Variants in CDH4 observed in about 807,000 individuals in gnomAD.
CDH4 encodes cadherin-4.
In CDH4, 33 loss-of-function variants were observed where a neutral mutation model predicts 86.0. The observed-to-expected ratio is 0.38, with a 90% CI of 0.29 to 0.51. The LOEUF is 0.51. Among genes scored for constraint, CDH4 ranks in the 20% least tolerant of loss-of-function variants. CDH4 has a pLI of 0.86. For synonymous variants in CDH4, 555 were observed against 549.4 expected (o/e 1.01, Z -0.14); for missense variants, 1,114 against 1,307.4 (o/e 0.85, Z 2.28).
At chr20:61,566,262 G>A (rs73322268) in intron 2 of CDH4, among the ~76,000 whole-genome samples, 4,504 of 152,292 alleles carry the variant, frequency 0.03, 227 homozygotes, top group African/African-American at 0.1. Flanking sequence ...GCCTTTTTAA[G>A]GAAAGCAGAT....
intron 2 of CDH4, among the ~76,000 whole-genome samples, chr20:61,419,290 A>G (rs907248752): frequency 6.6e-6 from 1 of 152,160 alleles, no homozygotes; most frequent in African/African-American, 2.4e-5. Flanking sequence ...TCTGCTCATC[A>G]GTTTCTATCG....
chr20:61,782,471 C>T lies in CDH4; in HGVS notation c.576+9289C>T, dbSNP rs565111387. 9.7e-4 allele frequency among the ~76,000 whole-genome samples: 147 copies of T among 152,232 alleles called. 5 individuals carry two copies. In the South Asian group the frequency reaches 0.029, roughly 30 times the overall value. ...CACACCTCCAGGAAGGGATGGAGAG[C>T]TCAGGAAGAGATACATTTATGGGCT... On this transcript the variant is annotated intron_variant, in intron 4 of 15. Transcript: ENST00000614565.
At chr20:61,299,836 GGCCCTAA>G (rs1170003412) in intron 2 of CDH4, among the ~76,000 whole-genome samples, 3 of 152,166 alleles carry the variant, frequency 2.0e-5, no homozygotes, top group Non-Finnish European at 4.4e-5. Context: ...AAAGTGTTAG[GGCCCTAA>G]ACTATAAGCC....
At chr20:61,851,817 C>T (rs564380807) in intron 5 of CDH4, among the ~76,000 whole-genome samples, 3 of 152,298 alleles carry the variant, frequency 2.0e-5, no homozygotes, top group African/African-American at 7.2e-5. Flanking sequence ...CTGGCGGCCA[C>T]CACACCCACT....
At chr20:61,527,029 T>A (rs1293403784) in intron 2 of CDH4, among the ~76,000 whole-genome samples, 2 of 152,226 alleles carry the variant, frequency 1.3e-5, no homozygotes, top group Non-Finnish European at 2.9e-5. Context: ...CCGACGGGGC[T>A]CCATTGGCCT....
At chr20:61,304,150 C>A (rs143543185) in intron 2 of CDH4, among the ~76,000 whole-genome samples, 2,331 of 152,214 alleles carry the variant, frequency 0.015, 49 homozygotes, top group African/African-American at 0.053. Flanking sequence ...AGGAAACTGT[C>A]TTCACAGCCC....
At chr20:61,253,179 G>A (rs1349307995) in intron 1 of CDH4, among the ~76,000 whole-genome samples, 1 of 151,336 alleles carries the variant, frequency 6.6e-6, no homozygotes, top group Non-Finnish European at 1.5e-5. Context: ...CGAGCCCTCG[G>A]CGGGGCTGGA....
chr20:61,633,472 T>A (rs773547986), intron 2 of CDH4, among the ~76,000 whole-genome samples: 1 of 152,124 alleles, frequency 6.6e-6, no homozygotes, highest in East Asian at 1.9e-4. Flanking sequence ...TATTCACCCA[T>A]TCATCCTATC....
At chr20:61,898,826 TAAAA>T (rs1985249838) in intron 8 of CDH4, among the ~76,000 whole-genome samples, 1 of 152,194 alleles carries the variant, frequency 6.6e-6, no homozygotes, top group Non-Finnish European at 1.5e-5. Flanking sequence ...AAATCTGCTC[TAAAA>T]ATGCCATGGG....
chr20:61,543,711 G>A (rs1399105331), intron 2 of CDH4, among the ~76,000 whole-genome samples: 2 of 152,218 alleles, frequency 1.3e-5, no homozygotes, highest in Non-Finnish European at 2.9e-5. Context: ...ATAAAGACTC[G>A]TGAATGGCAG....
At chr20:61,409,251 CAAAT>C (rs1315755207) in intron 2 of CDH4, among the ~76,000 whole-genome samples, 2 of 152,174 alleles carry the variant, frequency 1.3e-5, no homozygotes. Context: ...TCAGAGCCAT[CAAAT>C]AAACCTCAAA....
rs571655552 is a variant in CDH4, at chr20:61,830,483, C to T, written c.577-14185C>T. 4.7e-3 allele frequency among the ~76,000 whole-genome samples: 241 copies of T among 51,514 alleles called. 1 individual carries two copies. Among genetic ancestry groups the T allele is most frequent in the African/African-American group, 8.7e-3 (226 of 26,072 alleles). The allele number at this position is 51,514 out of a possible 152,430, so 33.8% of individuals were successfully genotyped here. A position where few individuals can be genotyped will look rare whatever the true frequency, so the allele number is the denominator to read the frequency against. On this transcript the variant is annotated intron_variant, in intron 4 of 15. Transcript: ENST00000614565. Reference sequence around the variant, plus strand: ...GGCCCAGGGCCACCACCTCCCAAGGCCCCCCAGGACCTGGCCAGCCCAGGT... The same window carrying T: ...GGCCCAGGGCCACCACCTCCCAAGGTCCCCCAGGACCTGGCCAGCCCAGGT...
At chr20:61,759,533 C>T (rs912862550) in intron 3 of CDH4, among the ~76,000 whole-genome samples, 4 of 152,202 alleles carry the variant, frequency 2.6e-5, no homozygotes, top group African/African-American at 9.6e-5. Context: ...CCGAATCACA[C>T]ACGCTGATGG....
intron 2 of CDH4, among the ~76,000 whole-genome samples, chr20:61,636,565 C>T (rs1244242352): frequency 6.6e-6 from 1 of 152,258 alleles, no homozygotes; most frequent in African/African-American, 2.4e-5. Flanking sequence ...TGTCTCTGAG[C>T]CCAGCGAGCG....
At chr20:61,509,314 A>AGG (rs2085763339) in intron 2 of CDH4, among the ~76,000 whole-genome samples, 1 of 151,742 alleles carries the variant, frequency 6.6e-6, no homozygotes, top group Non-Finnish European at 1.5e-5. Flanking sequence ...CCGCCCACGG[A>AGG]GGGACTCATC....
At chr20:61,395,321 A>T (rs2085010571) in intron 2 of CDH4, among the ~76,000 whole-genome samples, 2 of 152,188 alleles carry the variant, frequency 1.3e-5, no homozygotes, top group African/African-American at 4.8e-5. Flanking sequence ...ACATAAATTG[A>T]CATGTTAAAG....
chr20:61,411,904 C>G (rs2085121746), intron 2 of CDH4, among the ~76,000 whole-genome samples: 1 of 152,222 alleles, frequency 6.6e-6, no homozygotes, highest in Non-Finnish European at 1.5e-5. Flanking sequence ...CATGGCCCAA[C>G]AGGGGACTGG....
chr20:61,490,656 G>A (rs1203004360), intron 2 of CDH4, among the ~76,000 whole-genome samples: 1 of 151,806 alleles, frequency 6.6e-6, no homozygotes, highest in Non-Finnish European at 1.5e-5. Flanking sequence ...CTGAGATCAC[G>A]CCATTGCACT....
At position 61,789,134 on chromosome 20, in the gene CDH4, C is replaced by T. The variant is rs77340706; in HGVS notation, c.576+15952C>T. 1.0e-3 allele frequency among the ~76,000 whole-genome samples: 152 copies of T among 152,250 alleles called. 1 individual carries two copies. In the East Asian group the frequency reaches 0.025, roughly 25 times the overall value. On this transcript the variant is annotated intron_variant, in intron 4 of 15. Transcript: ENST00000614565. ...CTCAGGGACCTCCCTGGTACCAACC[C>T]GGGGAAAAGTCCTCGAAGCTCTCTT...
Sources: gnomAD v4.1 joint callset for allele counts (sites outside exome capture counted in the v4.1 genomes callset) on GRCh38, gnomAD v4.1.1 for gene constraint, MANE v1.5 for transcripts, NCBI Gene and HGNC (gene_info 2026-07-23, HGNC 2026-07-21) for gene names.